The following RNF44 variants were observed in gnomAD, a reference collection of about 807,000 sequenced individuals.
RNF44 encodes ring finger protein 44.
In RNF44, 25 loss-of-function variants were observed where a neutral mutation model predicts 53.6. The observed-to-expected ratio is 0.47, with a 90% CI of 0.34 to 0.65. The LOEUF (loss-of-function observed/expected upper bound fraction) is 0.65, where lower values mean the gene tolerates loss of function less well. Among genes scored for constraint, RNF44 ranks in the 30% least tolerant of loss-of-function variants. The pLI is 0.01. For missense variants in RNF44, 581 were observed against 595.5 expected (o/e 0.98, Z 0.25); for synonymous variants, 282 against 252.2 (o/e 1.12, Z -1.12).
Position 176,530,802 on chromosome 5 carries a change from T to TC in RNF44, c.639+45dup, listed in dbSNP as rs771353357. 1.4e-5 allele frequency: 20 copies of TC among 1,424,380 alleles called. No individual in the cohort carries two copies. The African/African-American group carries it at 2.2e-4, about 16-fold the overall frequency. The allele number at this position is 1,424,380 out of a possible 1,614,324, so 88.2% of individuals were successfully genotyped here. On this transcript the variant is annotated intron_variant, in intron 5 of 10. Coordinates refer to ENST00000274811, the MANE Select transcript of RNF44 (RefSeq NM_014901.5). ...GAGACGAGGCTGTCCTCACCCTGCC[T>TC]CCCCCCACGCCATCTCCCTCCAGCA...
At position 176,532,158 on chromosome 5, in the gene RNF44, G is replaced by A; in HGVS notation, c.143C>T (p.Ala48Val). 1.3e-6 allele frequency: 2 copies of A among 1,557,236 alleles called. No individual in the cohort carries two copies. Among genetic ancestry groups the A allele is most frequent in the Non-Finnish European group, 1.7e-6 (2 of 1,154,318 alleles). The change falls in exon 3 of 11, where the codon GCC becomes GTC. Residue 48 changes from alanine (A) to valine (V), a missense_variant. Ala to Val is a moderately conservative substitution (Grantham distance 64, BLOSUM62 0). Around this residue, in one of 3 missense-constraint regions of RNF44, gnomAD observed 387 missense variants for 366.0 expected, o/e 1.06. Coordinates refer to ENST00000274811, the MANE Select transcript of RNF44 (RefSeq NM_014901.5). Reference sequence around the variant, plus strand: ...CTGGGAGGGTAAGCGCTCATCCCGGGCAGGCGGGCTGGCCAGGGGGCCCTC... The same window carrying A: ...CTGGGAGGGTAAGCGCTCATCCCGGACAGGCGGGCTGGCCAGGGGGCCCTC... ...GLEGPLASPP[A>V]RDERLPSQQP...
In RNF44 at chr5:176,529,664, G is replaced by A. The variant is rs374764338; in HGVS notation, c.1015-20C>T. 5.0e-5 allele frequency: 81 copies of A among 1,613,148 alleles called. No homozygotes were observed. The highest frequency in any genetic ancestry group is 2.6e-4 in the South Asian group (24 of 91,004). ...GAGGGCCTGCATGCGGGCAGGAGAC[G>A]GGGTCAGCGGCGCCCAGGGCTGCAG... On this transcript the variant is annotated intron_variant, in intron 8 of 10. Coordinates refer to ENST00000274811, the MANE Select transcript of RNF44 (RefSeq NM_014901.5).
chr5:176,530,613 T>A lies in RNF44; in HGVS notation c.770A>T (p.Asp257Val). The A allele has an allele frequency of 6.7e-7, 1 of 1,494,476 alleles. No homozygotes were observed. Among genetic ancestry groups the A allele is most frequent in the Non-Finnish European group, 8.9e-7 (1 of 1,126,494 alleles). 92.6% of individuals were successfully genotyped at this position (1,494,476 alleles called of 1,614,324 possible). ...AAAGGACAGCTCCTGGTGCAGCGGA[T>A]CGTGGGGCAGGTAGTGCAGGGGCAC... ...PSVPLHYLPH[D>V]PLHQELSFGV... Residue 257 changes from aspartate to valine, a missense_variant, in exon 6 of 11, where the codon GAT becomes GTT. This residue lies in a region of RNF44 where 387 missense variants were observed against 366.0 expected (regional missense o/e 1.06). Transcript: ENST00000274811.
upstream of RNF44, chr5:176,538,058 A>T (rs1224124677): frequency 6.6e-6 from 1 of 152,178 alleles, no homozygotes; most frequent in African/African-American, 2.4e-5. Flanking sequence ...GCTCGCGCTG[A>T]CGTCACAGAG....
At chr5:176,533,923 T>A (rs1756936377) in intron 1 of RNF44, among the ~76,000 whole-genome samples, 1 of 152,092 alleles carries the variant, frequency 6.6e-6, no homozygotes. Context: ...CTAACAAAAC[T>A]CCTATGCATC....
At position 176,530,916 on chromosome 5, in the gene RNF44, G is replaced by GC; in HGVS notation, c.570_571insG (p.Pro191AlafsTer141). 1 of 1,342,896 alleles carries GC rather than the reference G, an allele frequency of 7.4e-7. No individual in the cohort carries two copies. Among genetic ancestry groups the GC allele is most frequent in the Non-Finnish European group, 9.9e-7 (1 of 1,014,316 alleles). 83.2% of individuals were successfully genotyped at this position (1,342,896 alleles called of 1,614,324 possible). ...GGCGCCATGTGGGTGGGCTGGGGGG[G>GC]TGGGGCCGGTGGTGGGGGGTGCAGG... On this transcript the variant is annotated frameshift_variant, in exon 5 of 11. Coordinates refer to ENST00000274811, the MANE Select transcript of RNF44 (RefSeq NM_014901.5). LOFTEE classifies it high-confidence loss of function.
At chr5:176,529,692 C>T (rs1352233865) in intron 8 of RNF44, 39 bp downstream of exon 8, 1 of 1,610,894 alleles carries the variant, frequency 6.2e-7, no homozygotes, top group Non-Finnish European at 8.5e-7. Context: ...GGCTGCAGGT[C>T]TCCCAAACCC....
chr5:176,539,334 T>C (rs1757392046), upstream of RNF44, among the ~76,000 whole-genome samples: 1 of 152,212 alleles, frequency 6.6e-6, no homozygotes, highest in Non-Finnish European at 1.5e-5. Context: ...CATCAACTGT[T>C]CCTTTACCTC....
chr5:176,530,716 C>T lies in RNF44; in HGVS notation c.667G>A (p.Asp223Asn). Reference protein sequence around the residue: ...MPLQRLDNDVDLRGDQPSLGS... With the variant: ...MPLQRLDNDVNLRGDQPSLGS... ...AGGGAGGGCTGGTCCCCACGCAGGT[C>T]CACGTCGTTGTCGAGCCGCTGGAGG... The change falls in exon 6 of 11, where the codon GAC (aspartate) becomes AAC (asparagine). Residue 223 changes from aspartate (D) to asparagine (N), a missense_variant. Around this residue, in one of 3 missense-constraint regions of RNF44, gnomAD observed 387 missense variants for 366.0 expected, o/e 1.06. Coordinates refer to ENST00000274811, the MANE Select transcript of RNF44 (RefSeq NM_014901.5). 1 of 1,550,050 alleles carries T rather than the reference C, an allele frequency of 6.5e-7. No individual in the cohort carries two copies. The highest frequency in any genetic ancestry group is 1.2e-5 in the South Asian group (1 of 82,976).
In RNF44 at chr5:176,531,126, GC is replaced by G; in HGVS notation, c.466-106del. 1 of 812,872 alleles carries G rather than the reference GC, an allele frequency of 1.2e-6. No individual in the cohort carries two copies. The highest frequency in any genetic ancestry group is 1.8e-6 in the Non-Finnish European group (1 of 556,270). 50.4% of individuals were successfully genotyped at this position (812,872 alleles called of 1,614,324 possible). On this transcript the variant is annotated intron_variant, in intron 4 of 10. Transcript: ENST00000274811. The surrounding 1 kb of genome is among the most constrained non-coding windows in gnomAD (Gnocchi z 4.2). ...GCCCCCACCGGGCACACACCCAGCAGCTCCAGGGTCTGTATAAGAAACCCTG... is the reference window on the plus strand; with the variant it reads ...GCCCCCACCGGGCACACACCCAGCAGTCCAGGGTCTGTATAAGAAACCCTG...
Position 176,530,916 on chromosome 5 carries a change from G to GGGGC in RNF44, c.570_571insGCCC (p.Pro191AlafsTer142). The stretch of plus-strand genomic sequence containing the variant: ...GGCGCCATGTGGGTGGGCTGGGGGG[G>GGGGC]TGGGGCCGGTGGTGGGGGGTGCAGG... On this transcript the variant is annotated frameshift_variant, in exon 5 of 11. Coordinates refer to ENST00000274811, the MANE Select transcript of RNF44 (RefSeq NM_014901.5). LOFTEE classifies it high-confidence loss of function. 1 of 1,342,898 alleles carries GGGGC rather than the reference G, an allele frequency of 7.4e-7. No individual in the cohort carries two copies. Among genetic ancestry groups the GGGGC allele is most frequent in the East Asian group, 2.8e-5 (1 of 35,888 alleles). The allele number at this position is 1,342,898 out of a possible 1,614,324, so 83.2% of individuals were successfully genotyped here.
chr5:176,532,542 T>C, intron 1 of RNF44, 26 bp from the exon 2 acceptor site: 1 of 1,457,696 alleles, frequency 6.9e-7, no homozygotes, highest in Non-Finnish European at 9.0e-7. Flanking sequence ...ACAAGAAGAC[T>C]GAGGCACCTG....
Position 176,526,919 on chromosome 5 carries a change from C to T in RNF44, c.*2109G>A, listed in dbSNP as rs534028162. 6.6e-5 allele frequency: 10 copies of T among 152,294 alleles called. No individual in the cohort carries two copies. The highest frequency in any genetic ancestry group is 1.2e-4 in the Non-Finnish European group (8 of 68,002). The allele number at this position is 152,294 out of a possible 1,614,324, so 9.4% of individuals were successfully genotyped here. On this transcript the variant is annotated 3_prime_UTR_variant, in exon 11 of 11. Coordinates refer to ENST00000274811, the MANE Select transcript of RNF44 (RefSeq NM_014901.5). ...AAATGCTACAAACCAATGTGAATCC[C>T]ATGGAATGGAAAAAACCACACATTT... is the stretch of plus-strand genomic sequence containing the variant.
At chr5:176,543,491 G>C in the RNF44 span, 1 of 152,026 alleles carries the variant, frequency 6.6e-6, no homozygotes, top group Non-Finnish European at 1.5e-5. This position sits in a 1 kb window ranked among gnomAD's most constrained non-coding sequence, Gnocchi z 4.0. Context: ...TGCCTGGACC[G>C]CACCACGCGT....
chr5:176,534,829 G>GT (rs1757013124), intron 1 of RNF44, among the ~76,000 whole-genome samples: 1 of 152,236 alleles, frequency 6.6e-6, no homozygotes, highest in Admixed American at 6.5e-5. Context: ...AGCTGGAATC[G>GT]TGAGTGCGCA....
upstream of RNF44, among the ~76,000 whole-genome samples, chr5:176,538,925 A>G (rs1757377866): frequency 6.6e-6 from 1 of 152,242 alleles, no homozygotes; most frequent in Non-Finnish European, 1.5e-5. Context: ...AGTAGGATAG[A>G]CTATTGTATA....
Position 176,530,707 on chromosome 5 carries a change from C to T in RNF44, c.676G>A (p.Gly226Arg), listed in dbSNP as rs146728461. The change falls in exon 6 of 11, where the codon GGG becomes AGG. Residue 226 changes from glycine to arginine, a missense_variant. This residue lies in a region of RNF44 where 387 missense variants were observed against 366.0 expected (regional missense o/e 1.06). Transcript: ENST00000274811. ...AAGCTGCCCAGGGAGGGCTGGTCCC[C>T]ACGCAGGTCCACGTCGTTGTCGAGC... ...QRLDNDVDLR[G>R]DQPSLGSFTY... The T allele has an allele frequency of 1.9e-6, 3 of 1,549,268 alleles. No homozygotes were observed. The African/African-American group carries it at 4.2e-5, about 22-fold the overall frequency.
At position 176,531,112 on chromosome 5, in the gene RNF44, G is replaced by C; in HGVS notation, c.466-91C>G. On this transcript the variant is annotated intron_variant, in intron 4 of 10. Transcript: ENST00000274811. The surrounding 1 kb of genome is among the most constrained non-coding windows in gnomAD (Gnocchi z 4.2). The stretch of plus-strand genomic sequence containing the variant: ...CCACCCAGCAAAAGGCCCCCACCGG[G>C]CACACACCCAGCAGCTCCAGGGTCT... The C allele has an allele frequency of 1.1e-6, 1 of 929,754 alleles. No homozygotes were observed. The highest frequency in any genetic ancestry group is 1.5e-6 in the Non-Finnish European group (1 of 661,658). 57.6% of individuals were successfully genotyped at this position (929,754 alleles called of 1,614,324 possible).
chr5:176,527,259 A>C lies in RNF44; in HGVS notation c.*1769T>G, dbSNP rs1411846776. 6.6e-6 allele frequency: 1 copy of C among 152,474 alleles called. No individual in the cohort carries two copies. Among genetic ancestry groups the C allele is most frequent in the Admixed American group, 6.5e-5 (1 of 15,272 alleles). 9.4% of individuals were successfully genotyped at this position (152,474 alleles called of 1,614,324 possible). On this transcript the variant is annotated 3_prime_UTR_variant, in exon 11 of 11. Transcript: ENST00000274811. ...GCATCTATAGCAAGGTCGGCAGATC[A>C]CAAACATCCTAAGTAATTGTTGTAT...
Sources: gnomAD v4.1 joint callset for allele counts (sites outside exome capture counted in the v4.1 genomes callset) on GRCh38, gnomAD v4.1.1 for gene constraint, gnomAD v4.1.1 regional missense constraint, Gnocchi (gnomAD v3.1) non-coding constraint, MANE v1.5 for transcripts, NCBI Gene and HGNC (gene_info 2026-07-23, HGNC 2026-07-21) for gene names.